MAML2: variants seen among roughly 807,000 people sequenced by gnomAD.
MAML2 encodes mastermind like transcriptional coactivator 2.
A neutral mutation model predicts 96.1 loss-of-function variants in MAML2; 22 were observed. That is an observed-to-expected ratio of 0.23 (90% CI 0.16 to 0.33). The LOEUF (loss-of-function observed/expected upper bound fraction) is 0.33. Among genes scored for constraint, MAML2 ranks in the 10% least tolerant of loss-of-function variants. MAML2 has a pLI of 1.00. For synonymous variants in MAML2, 561 were observed against 521.3 expected (o/e 1.08, Z -1.04); for missense variants, 1,367 against 1,392.4 (o/e 0.98, Z 0.29).
intron 1 of MAML2, among the ~76,000 whole-genome samples, chr11:96,102,137 G>A (rs929575627): frequency 6.6e-6 from 1 of 152,088 alleles, no homozygotes; most frequent in Non-Finnish European, 1.5e-5. Flanking sequence ...TTAGCCGGGC[G>A]TGGTGGCGGG....
intron 1 of MAML2, among the ~76,000 whole-genome samples, chr11:96,119,473 C>T (rs1035875459): frequency 3.3e-5 from 5 of 152,148 alleles, no homozygotes; most frequent in African/African-American, 1.2e-4. Context: ...GCAGCCCGGC[C>T]GACACTGATT....
chr11:96,135,545 C>CTTTTTT lies in MAML2; in HGVS notation c.514-42034_514-42029dup, dbSNP rs10665067. On this transcript the variant is annotated intron_variant, in intron 1 of 4. Transcript: ENST00000524717. Reference sequence around the variant, plus strand: ...GCAGAAGAGAGGTCCCAATCCAAGGCTTTTTTTTTTTTTTTTTAAACCGTG... The same window carrying CTTTTTT: ...GCAGAAGAGAGGTCCCAATCCAAGGCTTTTTTTTTTTTTTTTTTTTTTTAAACCGTG... Among the ~76,000 whole-genome samples, 14 of 139,528 alleles carry CTTTTTT rather than the reference C, an allele frequency of 1.0e-4. 1 individual carries two copies. Among genetic ancestry groups the CTTTTTT allele is most frequent in the African/African-American group, 1.3e-4 (5 of 37,460 alleles). The allele number at this position is 139,528 out of a possible 152,430, so 91.5% of individuals were successfully genotyped here.
chr11:96,185,892 T>G lies in MAML2; in HGVS notation c.514-92375A>C, dbSNP rs562377115. Among the ~76,000 whole-genome samples the G allele has an allele frequency of 6.6e-5, 10 of 152,340 alleles. No homozygotes were observed. The East Asian group carries it at 1.9e-3, about 29-fold the overall frequency. ...AATCCAGATGAGGCACAGTTTAATG[T>G]AATATGTATAGCATCAATGCGTGGT... On this transcript the variant is annotated intron_variant, in intron 1 of 4. Transcript: ENST00000524717.
At chr11:96,037,214 T>C (rs656437) in intron 2 of MAML2, among the ~76,000 whole-genome samples, 115,015 of 151,386 alleles carry the variant, frequency 0.76, 44,117 homozygotes, top group East Asian at 0.92. Context: ...ACAAAAAAAA[T>C]AACTCTGGCT....
At chr11:95,985,478 G>GTT in intron 4 of MAML2, 53 bp downstream of exon 4, 5 of 1,078,208 alleles carry the variant, frequency 4.6e-6, no homozygotes, top group South Asian at 3.1e-5. Flanking sequence ...GAAAATTGAA[G>GTT]TTTTTTTTTC....
At chr11:96,142,482 C>A (rs1419660687) in intron 1 of MAML2, among the ~76,000 whole-genome samples, 2 of 152,114 alleles carry the variant, frequency 1.3e-5, no homozygotes, top group African/African-American at 4.8e-5. Context: ...CCATGGTAAG[C>A]GTAAATGACA....
chr11:96,001,643 A>C (rs1055484197), intron 2 of MAML2, among the ~76,000 whole-genome samples: 1 of 151,684 alleles, frequency 6.6e-6, no homozygotes, highest in Non-Finnish European at 1.5e-5. Context: ...ACCCCCCCTC[A>C]CTCCCCACCG....
intron 2 of MAML2, among the ~76,000 whole-genome samples, chr11:96,015,030 C>A (rs186193306): frequency 6.6e-6 from 1 of 152,292 alleles, no homozygotes; most frequent in Admixed American, 6.5e-5. Flanking sequence ...TTAGTATCTC[C>A]ATTTTATAGA....
chr11:96,240,021 AC>A (rs1862411631), intron 1 of MAML2, among the ~76,000 whole-genome samples: 1 of 152,198 alleles, frequency 6.6e-6, no homozygotes, highest in Admixed American at 6.5e-5. Context: ...ATCATCAGTT[AC>A]AGTCTATGAG....
At chr11:95,998,432 A>G (rs539090215) in intron 2 of MAML2, among the ~76,000 whole-genome samples, 1 of 152,282 alleles carries the variant, frequency 6.6e-6, no homozygotes, top group Admixed American at 6.5e-5. Flanking sequence ...CTTATTTTCT[A>G]AAAAGTAGGT....
intron 2 of MAML2, among the ~76,000 whole-genome samples, chr11:96,064,204 T>C (rs540003936): frequency 6.6e-6 from 1 of 152,244 alleles, no homozygotes; most frequent in South Asian, 2.1e-4. Context: ...TATAAGAAAA[T>C]TCCCAACCAG....
intron 1 of MAML2, among the ~76,000 whole-genome samples, chr11:96,319,776 T>C (rs1314571312): frequency 6.6e-6 from 1 of 152,232 alleles, no homozygotes; most frequent in Non-Finnish European, 1.5e-5. Context: ...TAAATAATTT[T>C]GATTCTAGTT....
chr11:96,003,150 T>G (rs1858124071), intron 2 of MAML2, among the ~76,000 whole-genome samples: 1 of 147,892 alleles, frequency 6.8e-6, no homozygotes, highest in African/African-American at 2.5e-5. Flanking sequence ...ATGATGGGGA[T>G]GAGGAGGATG....
chr11:96,342,040 C>A lies in MAML2; in HGVS notation c.-145G>T. 1.3e-6 allele frequency: 1 copy of A among 747,200 alleles called. No homozygotes were observed. The highest frequency in any genetic ancestry group is 2.0e-6 in the Non-Finnish European group (1 of 488,898). The allele number at this position is 747,200 out of a possible 1,614,324, so 46.3% of individuals were successfully genotyped here. On this transcript the variant is annotated 5_prime_UTR_variant, in exon 1 of 5. Transcript: ENST00000524717. ...GAGGTCTTCAGAGGTTGTGGGGGAGCCGTGGAGAAGTTGTGGGGGAGGGGA... is the reference window on the plus strand; with the variant it reads ...GAGGTCTTCAGAGGTTGTGGGGGAGACGTGGAGAAGTTGTGGGGGAGGGGA...
rs1157893034 is a variant in MAML2 at position 96,159,404 on chromosome 11, A to ATTTTT, written c.514-65888_514-65887insAAAAA. Among the ~76,000 whole-genome samples the ATTTTT allele has an allele frequency of 1.4e-3, 88 of 61,998 alleles. 10 individuals carry two copies. The highest frequency in any genetic ancestry group is 4.2e-3 in the East Asian group (6 of 1,430). The allele number at this position is 61,998 out of a possible 152,430, so 40.7% of individuals were successfully genotyped here. ...TACTAACCGTGCCTCTAAACCACTG[A>ATTTTT]TTCTTTTTTTTTTTTTTTTTTTTTT... On this transcript the variant is annotated intron_variant, in intron 1 of 4. Coordinates refer to ENST00000524717, the MANE Select transcript of MAML2 (RefSeq NM_032427.4).
chr11:96,259,027 T>A (rs1862710181), intron 1 of MAML2, among the ~76,000 whole-genome samples: 2 of 152,150 alleles, frequency 1.3e-5, no homozygotes, highest in Admixed American at 1.3e-4. Context: ...TGTTCAGAAC[T>A]CTTTCAAAGG....
In MAML2 at chr11:96,093,455, G is replaced by A; in HGVS notation, c.576C>T (p.Pro192=). The A allele has an allele frequency of 6.2e-7, 1 of 1,613,972 alleles. No homozygotes were observed. The highest frequency in any genetic ancestry group is 1.6e-4 in the Middle Eastern group (1 of 6,062). Residue 192 remains proline, a synonymous_variant, in exon 2 of 5, where the codon CCC becomes CCT. Transcript: ENST00000524717. Reference sequence around the variant, plus strand: ...GAAATGAGTTGTCCACAAAGCCATTGGGTCGCTTGCTGTTGGCAGGAGATA... The same window carrying A: ...GAAATGAGTTGTCCACAAAGCCATTAGGTCGCTTGCTGTTGGCAGGAGATA... ...VNLSPANSKR[P]NGFVDNSFLD... is the part of the protein sequence containing the mutation.
intron 1 of MAML2, among the ~76,000 whole-genome samples, chr11:96,188,296 T>C (rs998999878): frequency 1.3e-5 from 2 of 152,254 alleles, no homozygotes; most frequent in Non-Finnish European, 2.9e-5. Flanking sequence ...ACCTTTCTAA[T>C]TTCAGATTTT....
At chr11:96,039,810 T>G (rs1038209624) in intron 2 of MAML2, among the ~76,000 whole-genome samples, 14 of 151,874 alleles carry the variant, frequency 9.2e-5, no homozygotes, top group African/African-American at 3.4e-4. Context: ...ATACAAAAAT[T>G]AGCCGGGCGT....
Sources: allele counts gnomAD v4.1 joint callset (sites outside exome capture counted in the v4.1 genomes callset), GRCh38; gene constraint gnomAD v4.1.1; transcripts MANE v1.5; gene names NCBI Gene and HGNC (gene_info 2026-07-23, HGNC 2026-07-21).